Variants in SGO2 observed in about 807,000 individuals in gnomAD.
SGO2 encodes shugoshin-like 2.
Under a neutral mutation model 99.5 loss-of-function variants are expected in SGO2, and 68 were observed. The observed-to-expected ratio is 0.68, with a 90% CI of 0.56 to 0.84. The LOEUF (loss-of-function observed/expected upper bound fraction) is 0.84. Among genes scored for constraint, SGO2 ranks in the 40% least tolerant of loss-of-function variants. SGO2 has a pLI of 0.00. For synonymous variants in SGO2, 457 were observed against 487.1 expected (o/e 0.94, Z 0.81); for missense variants, 1,350 against 1,436.7 (o/e 0.94, Z 0.97).
rs980175594 is a variant in SGO2 at position 200,583,693 on chromosome 2, C to T, written c.*229C>T. 3 of 318,382 alleles carry T rather than the reference C, an allele frequency of 9.4e-6. No individual in the cohort carries two copies. Among genetic ancestry groups the T allele is most frequent in the Non-Finnish European group, 1.7e-5 (3 of 174,720 alleles). 19.7% of individuals were successfully genotyped at this position (318,382 alleles called of 1,614,324 possible). On this transcript the variant is annotated 3_prime_UTR_variant, in exon 9 of 9. Coordinates refer to ENST00000357799, the MANE Select transcript of SGO2 (RefSeq NM_152524.6). ...TTGAGTCATTTTGGTCATCATATAACTTACCTTCCTGTTTATTTAAGCTTC... is the reference window on the plus strand; with the variant it reads ...TTGAGTCATTTTGGTCATCATATAATTTACCTTCCTGTTTATTTAAGCTTC...
At chr2:200,531,617 G>A (rs958877811) in intron 1 of SGO2, among the ~76,000 whole-genome samples, 1 of 152,224 alleles carries the variant, frequency 6.6e-6, no homozygotes, top group Non-Finnish European at 1.5e-5. Flanking sequence ...AGGACCTCAT[G>A]AGTCTGGCAA....
chr2:200,571,391 G>T lies in SGO2; in HGVS notation c.1045G>T (p.Glu349Ter). The change falls in exon 7 of 9, where the codon GAG becomes TAG. Residue 349 changes from glutamate (E) to a stop codon, truncating the protein, a stop_gained. Coordinates refer to ENST00000357799, the MANE Select transcript of SGO2 (RefSeq NM_152524.6). LOFTEE classifies it high-confidence loss of function. Reference protein sequence around the residue: ...EPNAECMNQIEDNDDFQLQKT... With the variant: ...EPNAECMNQI Reference sequence around the variant, plus strand: ...TAATGCAGAGTGCATGAATCAAATTGAGGATAATGATGACTTTCAATTGCA... The same window carrying T: ...TAATGCAGAGTGCATGAATCAAATTTAGGATAATGATGACTTTCAATTGCA... 6.2e-7 allele frequency: 1 copy of T among 1,610,068 alleles called. No homozygotes were observed. Among genetic ancestry groups the T allele is most frequent in the South Asian group, 1.1e-5 (1 of 90,746 alleles).
At position 200,572,510 on chromosome 2, in the gene SGO2, A is replaced by G. The variant is rs1268299428; in HGVS notation, c.2164A>G (p.Ile722Val). The G allele has an allele frequency of 2.5e-6, 4 of 1,612,730 alleles. No individual in the cohort carries two copies. Among genetic ancestry groups the G allele is most frequent in the East Asian group, 4.5e-5 (2 of 44,862 alleles). ...LRQKVNRKTE[I>V]ISEVNHLDND... Reference sequence around the variant, plus strand: ...GCAGAAAGTAAATCGGAAGACAGAAATAATTTCTGAAGTGAATCATTTAGA... The same window carrying G: ...GCAGAAAGTAAATCGGAAGACAGAAGTAATTTCTGAAGTGAATCATTTAGA... Residue 722 changes from isoleucine to valine, a missense_variant, in exon 7 of 9, where the codon ATA (isoleucine) becomes GTA (valine). Transcript: ENST00000357799.
At chr2:200,544,753 C>G (rs2032136022) in intron 5 of SGO2, among the ~76,000 whole-genome samples, 1 of 151,334 alleles carries the variant, frequency 6.6e-6, no homozygotes, top group South Asian at 2.1e-4. Flanking sequence ...TCAGGAGAAA[C>G]TGCTAAGTAG....
At chr2:200,550,854 A>C (rs1234264497) in intron 5 of SGO2, among the ~76,000 whole-genome samples, 2 of 152,172 alleles carry the variant, frequency 1.3e-5, no homozygotes, top group Non-Finnish European at 2.9e-5. Flanking sequence ...CATCAAGCTA[A>C]AAAGCTTCTG....
chr2:200,574,017 GTGTTT>G, intron 7 of SGO2, 40 bp downstream of exon 7: 1 of 1,467,768 alleles, frequency 6.8e-7, no homozygotes, highest in Non-Finnish European at 9.0e-7. Flanking sequence ...AGTTTTAGAA[GTGTTT>G]TGTTTTTTGT....
Position 200,573,282 on chromosome 2 carries a change from C to A in SGO2, c.2936C>A (p.Ser979Tyr), listed in dbSNP as rs756313901. Residue 979 changes from serine (S) to tyrosine (Y), a missense_variant, in exon 7 of 9, where the codon TCC becomes TAC. Ser to Tyr is a moderately radical substitution (Grantham distance 144, BLOSUM62 -2). Transcript: ENST00000357799. ...EKESCDQILDSYKVVKKRKKE... is the reference protein window; with the variant it reads ...EKESCDQILDYYKVVKKRKKE... ...GAAAGTTGTGATCAAATTTTAGATT[C>A]CTACAAAGTAGTTAAAAAACGTAAG... is the stretch of plus-strand genomic sequence containing the variant. 1 of 1,602,718 alleles carries A rather than the reference C, an allele frequency of 6.2e-7. No homozygotes were observed. Among genetic ancestry groups the A allele is most frequent in the South Asian group, 1.1e-5 (1 of 87,812 alleles).
intron 3 of SGO2, among the ~76,000 whole-genome samples, chr2:200,535,611 A>T (rs1233793510): frequency 1.3e-5 from 2 of 152,256 alleles, no homozygotes; most frequent in Admixed American, 6.5e-5. Context: ...AACTCTGTTC[A>T]CAGACAGGAC....
In SGO2 at chr2:200,573,979, T is replaced by C. The variant is rs1559219798; in HGVS notation, c.3631+2T>C. ...GGAGAACCCAAAAATCAGGAATAGGTAGGTTAATAACCATTATGAAATGAT... is the reference window on the plus strand; with the variant it reads ...GGAGAACCCAAAAATCAGGAATAGGCAGGTTAATAACCATTATGAAATGAT... On this transcript the variant is annotated splice_donor_variant, in intron 7 of 8. Transcript: ENST00000357799. LOFTEE classifies it high-confidence loss of function. 4 of 1,568,092 alleles carry C rather than the reference T, an allele frequency of 2.6e-6. No individual in the cohort carries two copies. The East Asian group carries it at 9.0e-5, about 35-fold the overall frequency.
chr2:200,568,740 T>C (rs1287083787), intron 5 of SGO2, among the ~76,000 whole-genome samples: 1 of 152,210 alleles, frequency 6.6e-6, no homozygotes, highest in Non-Finnish European at 1.5e-5. Context: ...CTCACTCTTC[T>C]TCCAAGTGTT....
At chr2:200,534,002 G>C (rs1293886709) in intron 2 of SGO2, among the ~76,000 whole-genome samples, 2 of 152,220 alleles carry the variant, frequency 1.3e-5, no homozygotes, top group East Asian at 3.9e-4. Flanking sequence ...TCCTAAGCTT[G>C]TTGTAGTCAG....
chr2:200,583,186 G>A (rs2033895370), intron 8 of SGO2, among the ~76,000 whole-genome samples: 2 of 152,030 alleles, frequency 1.3e-5, no homozygotes, highest in South Asian at 4.2e-4. Flanking sequence ...CTAACAAAAA[G>A]GAACTATGTA....
At chr2:200,546,036 A>G (rs1298119117) in intron 5 of SGO2, among the ~76,000 whole-genome samples, 1 of 152,132 alleles carries the variant, frequency 6.6e-6, no homozygotes, top group Non-Finnish European at 1.5e-5. Context: ...CAGCCTTCCC[A>G]CATTGCTGTC....
At chr2:200,555,758 C>T (rs2032684602) in intron 5 of SGO2, among the ~76,000 whole-genome samples, 1 of 152,106 alleles carries the variant, frequency 6.6e-6, no homozygotes, top group Admixed American at 6.5e-5. Flanking sequence ...TCTCATAATG[C>T]AAAGAATTTC....
intron 2 of SGO2, among the ~76,000 whole-genome samples, chr2:200,534,629 A>G (rs1043131154): frequency 5.9e-5 from 9 of 152,338 alleles, no homozygotes; most frequent in Middle Eastern, 6.8e-3. Context: ...CTGCAGAATC[A>G]GTTTCTCCAT....
rs764645144 is a variant in SGO2 at position 200,575,344 on chromosome 2, G to C, written c.3665G>C (p.Ser1222Thr). 6.2e-7 allele frequency: 1 copy of C among 1,604,586 alleles called. No homozygotes were observed. Among genetic ancestry groups the C allele is most frequent in the Non-Finnish European group, 8.5e-7 (1 of 1,174,442 alleles). ...CCATTACAGGACTTGTCAAATACCA[G>C]TTTTGTTTCAAATAACACTGCTGAA... is the stretch of plus-strand genomic sequence containing the variant. ...DRPLQDLSNTSFVSNNTAESE... is the reference protein window; with the variant it reads ...DRPLQDLSNTTFVSNNTAESE... Residue 1222 changes from serine to threonine, a missense_variant, in exon 8 of 9, where the codon AGT becomes ACT. By Grantham distance (58) the Ser-to-Thr change is moderately conservative (BLOSUM62 1). Transcript: ENST00000357799.
intron 4 of SGO2, among the ~76,000 whole-genome samples, chr2:200,538,710 T>C (rs747515717): frequency 2.0e-5 from 3 of 152,226 alleles, no homozygotes; most frequent in African/African-American, 7.2e-5. Flanking sequence ...CCCTCTTTGA[T>C]TGAGCTTTTT....
intron 5 of SGO2, among the ~76,000 whole-genome samples, chr2:200,547,836 A>T (rs2032295953): frequency 6.6e-6 from 1 of 152,154 alleles, no homozygotes; most frequent in Non-Finnish European, 1.5e-5. Context: ...ACTAGAAAAC[A>T]AGAGCAAGAG....
intron 1 of SGO2, among the ~76,000 whole-genome samples, chr2:200,527,388 G>A (rs951637832): frequency 2.6e-5 from 4 of 152,200 alleles, no homozygotes; most frequent in Admixed American, 1.3e-4. Flanking sequence ...CCTTTCAGGT[G>A]TGTGAGATGC....
Sources: allele counts gnomAD v4.1 joint callset (sites outside exome capture counted in the v4.1 genomes callset), GRCh38; gene constraint gnomAD v4.1.1; transcripts MANE v1.5; gene names NCBI Gene and HGNC (gene_info 2026-07-23, HGNC 2026-07-21).